PWP2: variants seen among roughly 807,000 people sequenced by gnomAD.
PWP2 encodes the protein PWP2 small subunit processome component, also known as periodic tryptophan protein 2 homolog.
For synonymous variants in PWP2, 24 were observed against 45.4 expected, an observed-to-expected ratio of 0.53 and a Z score of 1.89; for missense variants, 35 against 114.1, an observed-to-expected ratio of 0.31 and a Z score of 3.16.
rs1229987780 is a variant in PWP2 at position 44,112,894 on chromosome 21, C to A, written c.132-859C>A. Reference sequence around the variant, plus strand: ...AAGCAGAATTGATGTATCCAAAGCCCATTTTTAAGGCTTTTAATGCATTTC... The same window carrying A: ...AAGCAGAATTGATGTATCCAAAGCCAATTTTTAAGGCTTTTAATGCATTTC... On this transcript the variant is annotated intron_variant, in intron 2 of 20. Transcript: ENST00000291576. Among the ~76,000 whole-genome samples, 4 of 57,224 alleles carry A rather than the reference C, an allele frequency of 7.0e-5. 1 individual carries two copies. Among genetic ancestry groups the A allele is most frequent in the Non-Finnish European group, 1.0e-4 (2 of 19,242 alleles). The allele number at this position is 57,224 out of a possible 152,430, so 37.5% of individuals were successfully genotyped here.
chr21:44,128,032 C>A lies in PWP2; in HGVS notation c.2241C>A (p.Pro747=), dbSNP rs9978109. 0.19 allele frequency: 12,513 copies of A among 65,738 alleles called. 3,457 individuals are homozygous for A. Among genetic ancestry groups the A allele is most frequent in the East Asian group, 0.53 (2,386 of 4,506 alleles). 4.1% of individuals were successfully genotyped at this position (65,738 alleles called of 1,614,324 possible). Reference sequence around the variant, plus strand: ...TTGAGCTGGACACCAGCGTCACCCCCGGGAGGGTGCGCGAGGCACTGCGCC... The same window carrying A: ...TTGAGCTGGACACCAGCGTCACCCCAGGGAGGGTGCGCGAGGCACTGCGCC... The part of the protein sequence containing the change: ...DPFELDTSVT[P]GRVREALRQQ... Residue 747 remains proline (P), a synonymous_variant, in exon 18 of 21, where the codon CCC becomes CCA. Transcript: ENST00000291576.
chr21:44,112,753 AAC>A lies in PWP2; in HGVS notation c.132-998_132-997del, dbSNP rs1253155442. Among the ~76,000 whole-genome samples, 2 of 38,178 alleles carry A rather than the reference AAC, an allele frequency of 5.2e-5. 1 individual carries two copies. Among genetic ancestry groups the A allele is most frequent in the Non-Finnish European group, 1.4e-4 (2 of 13,930 alleles). 25.0% of individuals were successfully genotyped at this position (38,178 alleles called of 152,430 possible). A position where few individuals can be genotyped will look rare whatever the true frequency, so the allele number is the denominator to read the frequency against. On this transcript the variant is annotated intron_variant, in intron 2 of 20. Transcript: ENST00000291576. ...GCCCCTTATTTTCCATTTTTCTAGCAACAGTGTTACATGGGTGCACTGTCATG... is the reference window on the plus strand; with the variant it reads ...GCCCCTTATTTTCCATTTTTCTAGCAAGTGTTACATGGGTGCACTGTCATG...
In PWP2 at chr21:44,125,237, ACCT is replaced by A. The variant is rs977150737; in HGVS notation, c.1965+514_1965+516del. Reference sequence around the variant, plus strand: ...TCACTCATTCACCTGCCCACCACTCACCTCCTGCCGTGCAGCCTGTTTCCTAAC... The same window carrying A: ...TCACTCATTCACCTGCCCACCACTCACCTGCCGTGCAGCCTGTTTCCTAAC... On this transcript the variant is annotated intron_variant, in intron 15 of 20. Transcript: ENST00000291576. 2 of 20,374 alleles carry A rather than the reference ACCT, an allele frequency of 9.8e-5. 1 individual carries two copies. The highest frequency in any genetic ancestry group is 1.9e-4 in the African/African-American group (2 of 10,326). 1.3% of individuals were successfully genotyped at this position (20,374 alleles called of 1,614,324 possible).
intron 10 of PWP2, 118 bp downstream of exon 10, chr21:44,119,641 G>C (rs2039276181): frequency 6.6e-6 from 1 of 150,590 alleles, no homozygotes; most frequent in Non-Finnish European, 1.6e-5. Context: ...CCGGGCTCAT[G>C]AGCTCAGTAG....
At position 44,118,844 on chromosome 21, in the gene PWP2, C is replaced by G. The variant is rs756554; in HGVS notation, c.1051+11C>G. 1.6e-6 allele frequency: 1 copy of G among 619,630 alleles called. No homozygotes were observed. Among genetic ancestry groups the G allele is most frequent in the South Asian group, 1.7e-5 (1 of 57,300 alleles). The allele number at this position is 619,630 out of a possible 1,614,324, so 38.4% of individuals were successfully genotyped here. A position where few individuals can be genotyped will look rare whatever the true frequency, so the allele number is the denominator to read the frequency against. On this transcript the variant is annotated intron_variant, in intron 9 of 20. Transcript: ENST00000291576. ...CTTTTGGCTGTTCAGGTTTGTCCCC[C>G]GCCTGGGTGGTAGAGATGGACTCCC...
intron 2 of PWP2, among the ~76,000 whole-genome samples, chr21:44,111,275 T>A (rs143312664): frequency 1.4e-5 from 1 of 73,276 alleles, no homozygotes; most frequent in African/African-American, 2.9e-5. Context: ...AAGGAGATGC[T>A]GTCTTCATGC....
chr21:44,119,002 C>T (rs1166966538), intron 9 of PWP2, among the ~76,000 whole-genome samples, 169 bp downstream of exon 9: 1 of 68,698 alleles, frequency 1.5e-5, no homozygotes, highest in African/African-American at 3.1e-5. Flanking sequence ...CCTCCCCTCC[C>T]CCAGCTGTCT....
At position 44,117,054 on chromosome 21, in the gene PWP2, CCAAGTGGGTCAGTGCCCA is replaced by C. The variant is rs568199308; in HGVS notation, c.837-759_837-742del. Among the ~76,000 whole-genome samples the C allele has an allele frequency of 3.0e-3, 192 of 62,972 alleles. 37 individuals carry two copies. The highest frequency in any genetic ancestry group is 6.2e-3 in the African/African-American group (181 of 29,352). The allele number at this position is 62,972 out of a possible 152,430, so 41.3% of individuals were successfully genotyped here. ...GAGTTGGAGGGTGGCCAGAACAGGT[CCAAGTGGGTCAGTGCCCA>C]CAAGTGAGTCAGTGCCCGCGGGTGG... is the stretch of plus-strand genomic sequence containing the variant. On this transcript the variant is annotated intron_variant, in intron 7 of 20. Coordinates refer to ENST00000291576, the MANE Select transcript of PWP2 (RefSeq NM_005049.3).
rs147294908 is a variant in PWP2, at chr21:44,110,916, A to G, written c.131+1820A>G. Among the ~76,000 whole-genome samples, 874 of 61,236 alleles carry G rather than the reference A, an allele frequency of 0.014. 292 individuals carry two copies. In the Middle Eastern group the frequency reaches 0.14, roughly 10 times the overall value. 40.2% of individuals were successfully genotyped at this position (61,236 alleles called of 152,430 possible). A position where few individuals can be genotyped will look rare whatever the true frequency, so the allele number is the denominator to read the frequency against. On this transcript the variant is annotated intron_variant, in intron 2 of 20. Coordinates refer to ENST00000291576, the MANE Select transcript of PWP2 (RefSeq NM_005049.3). Reference sequence around the variant, plus strand: ...CTATCTAAAAATAAATAAATTAAAAAAAAAGAAAAAGATGCCATCGAGGAC... The same window carrying G: ...CTATCTAAAAATAAATAAATTAAAAGAAAAGAAAAAGATGCCATCGAGGAC...
At position 44,118,477 on chromosome 21, in the gene PWP2, A is replaced by C. The variant is rs142323644; in HGVS notation, c.981-286A>C. Reference sequence around the variant, plus strand: ...GCGCCACTACACCCGGCTAGTTTTTAAATTTTTTGTCGAGACGGGTCTTGC... The same window carrying C: ...GCGCCACTACACCCGGCTAGTTTTTCAATTTTTTGTCGAGACGGGTCTTGC... On this transcript the variant is annotated intron_variant, in intron 8 of 20. Coordinates refer to ENST00000291576, the MANE Select transcript of PWP2 (RefSeq NM_005049.3). Among the ~76,000 whole-genome samples the C allele has an allele frequency of 8.6e-3, 342 of 39,812 alleles. 43 individuals are homozygous for C. Among genetic ancestry groups the C allele is most frequent in the African/African-American group, 0.016 (321 of 20,388 alleles). 26.1% of individuals were successfully genotyped at this position (39,812 alleles called of 152,430 possible).
chr21:44,118,448 G>A lies in PWP2; in HGVS notation c.981-315G>A, dbSNP rs142644562. Among the ~76,000 whole-genome samples, 208 of 30,158 alleles carry A rather than the reference G, an allele frequency of 6.9e-3. 22 individuals are homozygous for A. Among genetic ancestry groups the A allele is most frequent in the African/African-American group, 0.012 (205 of 16,512 alleles). 19.8% of individuals were successfully genotyped at this position (30,158 alleles called of 152,430 possible). On this transcript the variant is annotated intron_variant, in intron 8 of 20. Transcript: ENST00000291576. ...GCCTCCTGAGGAGCTGGGGCCACAGGTGTGCGCCACTACACCCGGCTAGTT... is the reference window on the plus strand; with the variant it reads ...GCCTCCTGAGGAGCTGGGGCCACAGATGTGCGCCACTACACCCGGCTAGTT...
chr21:44,117,027 C>T (rs1285469573), intron 7 of PWP2, among the ~76,000 whole-genome samples: 1 of 51,476 alleles, frequency 1.9e-5, no homozygotes, highest in African/African-American at 4.0e-5. Context: ...CCAAGGGCAG[C>T]GGAGTTGGAG....
chr21:44,124,674 A>T lies in PWP2; in HGVS notation c.1912A>T (p.Ile638Phe). 3 of 547,598 alleles carry T rather than the reference A, an allele frequency of 5.5e-6. 1 individual carries two copies. The highest frequency in any genetic ancestry group is 6.7e-5 in the East Asian group (1 of 14,952). The allele number at this position is 547,598 out of a possible 1,614,324, so 33.9% of individuals were successfully genotyped here. Residue 638 changes from isoleucine to phenylalanine, a missense_variant, in exon 15 of 21, where the codon ATT becomes TTT. Coordinates refer to ENST00000291576, the MANE Select transcript of PWP2 (RefSeq NM_005049.3). ...FVCIYHVREQ[I>F]LMKRFEISCN... ...GTGCATCTACCACGTCCGTGAGCAG[A>T]TTCTCATGAAGAGGTTCGAGATCTC...
In PWP2 at chr21:44,119,358, G is replaced by A. The variant is rs374556467; in HGVS notation, c.1052-29G>A. On this transcript the variant is annotated intron_variant, in intron 9 of 20. Coordinates refer to ENST00000291576, the MANE Select transcript of PWP2 (RefSeq NM_005049.3). ...GTCTGACCTGGGGTGGGCCTGAGCC[G>A]GGTACCCCAGCTTCCCCCGTGTGCA... 22 of 568,302 alleles carry A rather than the reference G, an allele frequency of 3.9e-5. 7 individuals carry two copies. In the Admixed American group the frequency reaches 5.9e-4, roughly 15 times the overall value. 35.2% of individuals were successfully genotyped at this position (568,302 alleles called of 1,614,324 possible).
In PWP2 at chr21:44,113,744, C is replaced by CT. The variant is rs772152056; in HGVS notation, c.132-6dup. On this transcript the variant is annotated splice_polypyrimidine_tract_variant and intron_variant, in intron 2 of 20. Coordinates refer to ENST00000291576, the MANE Select transcript of PWP2 (RefSeq NM_005049.3). ...ACCAACAGCACACTGTGGTTTTTGT[C>CT]TTTATCAGCAACAAATCTGACACGC... 1.1e-4 allele frequency: 4 copies of CT among 36,352 alleles called. No homozygotes were observed. The highest frequency in any genetic ancestry group is 5.4e-4 in the South Asian group (4 of 7,370). The allele number at this position is 36,352 out of a possible 1,614,324, so 2.3% of individuals were successfully genotyped here.
Position 44,124,782 on chromosome 21 carries a change from G to A in PWP2, c.1965+55G>A, listed in dbSNP as rs76870846. The A allele has an allele frequency of 1.4e-5, 4 of 287,644 alleles. 2 individuals carry two copies. Among genetic ancestry groups the A allele is most frequent in the Non-Finnish European group, 1.1e-5 (2 of 176,316 alleles). The allele number at this position is 287,644 out of a possible 1,614,324, so 17.8% of individuals were successfully genotyped here. On this transcript the variant is annotated intron_variant, in intron 15 of 20. Coordinates refer to ENST00000291576, the MANE Select transcript of PWP2 (RefSeq NM_005049.3). ...GTTGCTTCCAATGCAGGTGGAATGC[G>A]TCGGGCTCCTGCGTTCTGCACTCCT...
At position 44,118,569 on chromosome 21, in the gene PWP2, C is replaced by T. The variant is rs183572226; in HGVS notation, c.981-194C>T. Among the ~76,000 whole-genome samples the T allele has an allele frequency of 3.5e-3, 240 of 69,276 alleles. 49 individuals carry two copies. Among genetic ancestry groups the T allele is most frequent in the African/African-American group, 7.2e-3 (230 of 32,064 alleles). The allele number at this position is 69,276 out of a possible 152,430, so 45.4% of individuals were successfully genotyped here. ...ATCCTTGCCTCCGCCTCCCAATGTG[C>T]TGGGATGACAGGCGTGAGCCACTGC... On this transcript the variant is annotated intron_variant, in intron 8 of 20. Coordinates refer to ENST00000291576, the MANE Select transcript of PWP2 (RefSeq NM_005049.3).
In PWP2 at chr21:44,120,247, G is replaced by A. The variant is rs183767508; in HGVS notation, c.1189-101G>A. The stretch of plus-strand genomic sequence containing the variant: ...GGGTCTCAGGGATGGGGCAGTACAG[G>A]GGCAAGCATCTTAGGTGGGGCGGCA... On this transcript the variant is annotated intron_variant, in intron 10 of 20. Coordinates refer to ENST00000291576, the MANE Select transcript of PWP2 (RefSeq NM_005049.3). The A allele has an allele frequency of 6.2e-4, 202 of 326,802 alleles. 70 individuals are homozygous for A. The highest frequency in any genetic ancestry group is 5.7e-3 in the African/African-American group (183 of 31,968). 20.2% of individuals were successfully genotyped at this position (326,802 alleles called of 1,614,324 possible). A position where few individuals can be genotyped will look rare whatever the true frequency, so the allele number is the denominator to read the frequency against.
At chr21:44,118,541 G>C (rs1021643890) in intron 8 of PWP2, among the ~76,000 whole-genome samples, 1 of 63,666 alleles carries the variant, frequency 1.6e-5, no homozygotes. Context: ...CTGGGTTCAA[G>C]CAATCCTTGC....
Sources: allele counts gnomAD v4.1 joint callset (sites outside exome capture counted in the v4.1 genomes callset), GRCh38; gene constraint gnomAD v4.1.1; transcripts MANE v1.5; gene names NCBI Gene and HGNC (gene_info 2026-07-23, HGNC 2026-07-21).